SLF2: variants seen among roughly 807,000 people sequenced by gnomAD.
The protein encoded by SLF2 is SMC5/6 complex localization factor 2.
In SLF2, 68 loss-of-function variants were observed where a neutral mutation model predicts 124.3. That is an observed-to-expected ratio of 0.55 (90% CI 0.45 to 0.67). The LOEUF is 0.67. Ranked by LOEUF, SLF2 falls within the 30% of genes least tolerant of loss-of-function variation. The pLI is 0.00. For missense variants in SLF2, 1,246 were observed against 1,373.7 expected, an observed-to-expected ratio of 0.91 and a Z score of 1.47; for synonymous variants, 480 against 478.8, an observed-to-expected ratio of 1.00 and a Z score of -0.03.
At chr10:100,957,330 ATTTTTTTTTTTTT>A (rs71013477) in intron 18 of SLF2, among the ~76,000 whole-genome samples, 4 of 91,864 alleles carry the variant, frequency 4.4e-5, no homozygotes, top group Middle Eastern at 4.5e-3. Flanking sequence ...GGAGTCTTCA[ATTTTTTTTTTTTT>A]TTTTTTTTTT....
Position 100,924,091 on chromosome 10 carries a change from C to T in SLF2, c.1090C>T (p.Arg364Cys), listed in dbSNP as rs754869473. 1.9e-5 allele frequency: 30 copies of T among 1,613,084 alleles called. No homozygotes were observed. The highest frequency in any genetic ancestry group is 2.3e-5 in the Non-Finnish European group (27 of 1,179,800). Residue 364 changes from arginine (R) to cysteine (C), a missense_variant, in exon 5 of 20, where the codon CGT becomes TGT. By Grantham distance (180) the Arg-to-Cys change is radical. Transcript: ENST00000238961. The stretch of plus-strand genomic sequence containing the variant: ...AGCAAGAGAGTCCTTCCTTGAGAAG[C>T]GTCCTGATGGACCACATCAGAAAGA... ...PKARESFLEK[R>C]PDGPHQKEKF...
Position 100,929,852 on chromosome 10 carries a change from G to A in SLF2, c.2188G>A (p.Val730Ile), listed in dbSNP as rs1194119194. The A allele has an allele frequency of 6.3e-7, 1 of 1,577,950 alleles. No individual in the cohort carries two copies. Among genetic ancestry groups the A allele is most frequent in the Non-Finnish European group, 8.6e-7 (1 of 1,169,528 alleles). The change falls in exon 8 of 20, where the codon GTT becomes ATT. Residue 730 changes from valine to isoleucine, a missense_variant. Around this residue, in one of 3 missense-constraint regions of SLF2, gnomAD observed 535 missense variants for 632.8 expected, o/e 0.85. Transcript: ENST00000238961. ...EHKEFLKKFS[V>I]TIDAIPDHHP... ...CAGGGAATTTCTAAAGAAATTTTCA[G>A]TTACAATTGATGCTATTCCTGATCA...
intron 3 of SLF2, 37 bp from the exon 4 acceptor site, chr10:100,918,347 C>T (rs969419190): frequency 2.7e-5 from 38 of 1,393,356 alleles, no homozygotes; most frequent in Non-Finnish European, 3.8e-5. Context: ...TTTACTGTCC[C>T]CAACACTTAA....
chr10:100,929,487 T>A (rs1849686524), intron 7 of SLF2, 48 bp downstream of exon 7: 11 of 1,494,182 alleles, frequency 7.4e-6, no homozygotes, highest in Non-Finnish European at 9.9e-6. Context: ...GTTTTTACAT[T>A]TTTTAGTTTT....
rs1850083246 is a variant in SLF2 at position 100,945,323 on chromosome 10, T to TA, written c.2758-4dup. On this transcript the variant is annotated splice_polypyrimidine_tract_variant and splice_region_variant and intron_variant, in intron 12 of 19. Transcript: ENST00000238961. Reference sequence around the variant, plus strand: ...AATATTTTTGTCTGTGCATTTATGTTAAACAGTTTCTAGGCTTGTGTACAT... The same window carrying TA: ...AATATTTTTGTCTGTGCATTTATGTTAAAACAGTTTCTAGGCTTGTGTACAT... 1 of 1,557,088 alleles carries TA rather than the reference T, an allele frequency of 6.4e-7. No homozygotes were observed. Among genetic ancestry groups the TA allele is most frequent in the East Asian group, 2.4e-5 (1 of 41,620 alleles).
At chr10:100,942,287 A>G (rs1589958848) in intron 11 of SLF2, among the ~76,000 whole-genome samples, 1 of 152,228 alleles carries the variant, frequency 6.6e-6, no homozygotes, top group Admixed American at 6.5e-5. Flanking sequence ...GCTATAAATC[A>G]GGAGTTCCTA....
At chr10:100,921,377 C>T (rs1167118798) in intron 4 of SLF2, among the ~76,000 whole-genome samples, 1 of 152,156 alleles carries the variant, frequency 6.6e-6, no homozygotes, top group African/African-American at 2.4e-5. Context: ...CCACCATGCC[C>T]AGCCTCCTTT....
At chr10:100,959,989 A>C (rs1850399808) in intron 19 of SLF2, among the ~76,000 whole-genome samples, 1 of 152,184 alleles carries the variant, frequency 6.6e-6, no homozygotes. Context: ...GCAAACACTA[A>C]TCTACTTTCT....
chr10:100,917,333 A>C, intron 3 of SLF2, 33 bp downstream of exon 3: 16 of 1,561,770 alleles, frequency 1.0e-5, no homozygotes, highest in Non-Finnish European at 1.4e-5. Context: ...TAGCATTGCT[A>C]CTGCTATGTC....
intron 9 of SLF2, among the ~76,000 whole-genome samples, chr10:100,932,712 T>TGCGC (rs1181664100): frequency 7.7e-6 from 1 of 129,096 alleles, no homozygotes; most frequent in African/African-American, 3.0e-5. Flanking sequence ...TGTGTGTGTG[T>TGCGC]GTGTGTGTGC....
rs779808994 is a variant in SLF2, at chr10:100,947,027, CT to C, written c.2935-4del. On this transcript the variant is annotated splice_polypyrimidine_tract_variant and intron_variant, in intron 13 of 19. Transcript: ENST00000238961. ...TGTTTGAAAAGAAATCTTACATGTT[CT>C]TTTTTTTCAGGTGCCTGAACTCTGT... The C allele has an allele frequency of 6.2e-6, 10 of 1,600,994 alleles. No individual in the cohort carries two copies. The highest frequency in any genetic ancestry group is 4.5e-5 in the East Asian group (2 of 44,666).
At position 100,940,754 on chromosome 10, in the gene SLF2, C is replaced by G. The variant is rs140077078; in HGVS notation, c.2654+2018C>G. Among the ~76,000 whole-genome samples the G allele has an allele frequency of 5.3e-4, 59 of 110,602 alleles. 1 individual carries two copies. In the East Asian group the frequency reaches 0.017, roughly 31 times the overall value. The allele number at this position is 110,602 out of a possible 152,430, so 72.6% of individuals were successfully genotyped here. ...CTCCCTTCCCTCCCTTCCCCATCTT[C>G]CCCCACTTCTCCCCCTTCCCCTGCC... is the stretch of plus-strand genomic sequence containing the variant. On this transcript the variant is annotated intron_variant, in intron 11 of 19. Transcript: ENST00000238961.
At chr10:100,947,466 T>C (rs1317739125) in intron 14 of SLF2, among the ~76,000 whole-genome samples, 1 of 152,184 alleles carries the variant, frequency 6.6e-6, no homozygotes, top group Non-Finnish European at 1.5e-5. Context: ...TTTTTTGCTT[T>C]AGTAAAAATA....
In SLF2 at chr10:100,924,660, A is replaced by G. The variant is rs763419043; in HGVS notation, c.1659A>G (p.Thr553=). ...TGCGCTCAGAATATGGCACTCCTACAAAGTCTCCCCCTGCTGCTTTGGAAG... is the reference window on the plus strand; with the variant it reads ...TGCGCTCAGAATATGGCACTCCTACGAAGTCTCCCCCTGCTGCTTTGGAAG... The part of the protein sequence containing the change: ...GPLRSEYGTP[T]KSPPAALEVV... Residue 553 remains threonine (T), a synonymous_variant, in exon 5 of 20, where the codon ACA becomes ACG. Transcript: ENST00000238961. 6.2e-7 allele frequency: 1 copy of G among 1,614,114 alleles called. No homozygotes were observed. The highest frequency in any genetic ancestry group is 1.1e-5 in the South Asian group (1 of 91,084).
In SLF2 at chr10:100,965,103, G is replaced by C. The variant is rs777400306; in HGVS notation, c.*3191G>C. 2.0e-5 allele frequency: 3 copies of C among 149,442 alleles called. No individual in the cohort carries two copies. Among genetic ancestry groups the C allele is most frequent in the Non-Finnish European group, 3.0e-5 (2 of 67,366 alleles). The allele number at this position is 149,442 out of a possible 1,614,324, so 9.3% of individuals were successfully genotyped here. A position where few individuals can be genotyped will look rare whatever the true frequency, so the allele number is the denominator to read the frequency against. ...AAGTCCTATGAATGTGTGTGTGTGT[G>C]TGCTATTAAAACTGCTTTTTCTCAG... On this transcript the variant is annotated 3_prime_UTR_variant, in exon 20 of 20. Transcript: ENST00000238961. This position sits in a 1 kb window ranked among gnomAD's most constrained non-coding sequence, Gnocchi z 4.1.
rs1849689711 is a variant in SLF2, at chr10:100,929,683, A to G, written c.2166-147A>G. On this transcript the variant is annotated intron_variant, in intron 7 of 19. Coordinates refer to ENST00000238961, the MANE Select transcript of SLF2 (RefSeq NM_018121.4). ...TTGACTAACAACTACAAAAAGTGGA[A>G]GAAGCAAAGCATACTTTTCTCATGC... The G allele has an allele frequency of 7.4e-6, 5 of 676,914 alleles. No individual in the cohort carries two copies. The South Asian group carries it at 1.3e-4, about 17-fold the overall frequency. 41.9% of individuals were successfully genotyped at this position (676,914 alleles called of 1,614,324 possible).
At chr10:100,948,584 T>G (rs1850151172) in intron 15 of SLF2, among the ~76,000 whole-genome samples, 1 of 152,116 alleles carries the variant, frequency 6.6e-6, no homozygotes, top group African/African-American at 2.4e-5. Context: ...CTTGCTTGGA[T>G]TTGAAAACTC....
At chr10:100,919,813 C>T (rs1490764384) in intron 4 of SLF2, among the ~76,000 whole-genome samples, 1 of 152,212 alleles carries the variant, frequency 6.6e-6, no homozygotes, top group East Asian at 1.9e-4. Flanking sequence ...GTTTGAACCT[C>T]ATAACTTTAT....
Position 100,913,586 on chromosome 10 carries a change from C to T in SLF2, c.140+336C>T, listed in dbSNP as rs987940481. On this transcript the variant is annotated intron_variant, in intron 1 of 19. Coordinates refer to ENST00000238961, the MANE Select transcript of SLF2 (RefSeq NM_018121.4). ...ATGCATATTTAGATCGTTTTCTGTACGTTGTCAGTTCTACTGATCCTAGTG... is the reference window on the plus strand; with the variant it reads ...ATGCATATTTAGATCGTTTTCTGTATGTTGTCAGTTCTACTGATCCTAGTG... The T allele has an allele frequency of 1.3e-5, 15 of 1,176,474 alleles. 1 individual carries two copies. In the South Asian group the frequency reaches 4.2e-4, roughly 33 times the overall value. The allele number at this position is 1,176,474 out of a possible 1,614,324, so 72.9% of individuals were successfully genotyped here. A position where few individuals can be genotyped will look rare whatever the true frequency, so the allele number is the denominator to read the frequency against.
Sources: allele counts gnomAD v4.1 joint callset (sites outside exome capture counted in the v4.1 genomes callset), GRCh38; gene constraint gnomAD v4.1.1; regional missense constraint gnomAD v4.1.1; non-coding constraint Gnocchi (gnomAD v3.1); transcripts MANE v1.5; gene names NCBI Gene and HGNC (gene_info 2026-07-23, HGNC 2026-07-21).